The following EEFSEC variants were observed in gnomAD, a reference collection of about 807,000 sequenced individuals.
The protein encoded by EEFSEC is eukaryotic elongation factor, selenocysteine-tRNA specific, also known as selenocysteine-specific elongation factor.
A neutral mutation model predicts 42.1 loss-of-function variants in EEFSEC; 43 were observed. The ratio of observed to expected loss-of-function variants is 1.02; its 90% CI spans 0.80 to 1.32. The LOEUF (loss-of-function observed/expected upper bound fraction) is 1.32. Among genes scored for constraint, EEFSEC ranks in the 40% most tolerant of loss-of-function variants. EEFSEC has a pLI of 0.00. For missense variants in EEFSEC, 745 were observed against 803.6 expected, an observed-to-expected ratio of 0.93 and a Z score of 0.88; for synonymous variants, 354 against 339.1, an observed-to-expected ratio of 1.04 and a Z score of -0.48.
At chr3:128,349,731 ATC>A (rs2107577145) in intron 5 of EEFSEC, among the ~76,000 whole-genome samples, 1 of 152,204 alleles carries the variant, frequency 6.6e-6, no homozygotes, top group African/African-American at 2.4e-5. Flanking sequence ...TTACTCAGAA[ATC>A]TCTTTTAGGT....
rs779566408 is a variant in EEFSEC, at chr3:128,153,581, G to A, written c.74G>A (p.Arg25Gln). ...HIDSGKTALA[R>Q]ALSTTASTAA... Reference sequence around the variant, plus strand: ...GACAGCGGCAAGACGGCGCTGGCGCGGGCGCTAAGCACCACAGCCTCCACC... The same window carrying A: ...GACAGCGGCAAGACGGCGCTGGCGCAGGCGCTAAGCACCACAGCCTCCACC... Residue 25 changes from arginine to glutamine, a missense_variant, in exon 1 of 7, where the codon CGG becomes CAG. Physicochemically the swap from Arg to Gln is conservative, Grantham distance 43. Transcript: ENST00000254730. 4 of 1,560,750 alleles carry A rather than the reference G, an allele frequency of 2.6e-6. No homozygotes were observed. Among genetic ancestry groups the A allele is most frequent in the Non-Finnish European group, 2.6e-6 (3 of 1,160,950 alleles).
At chr3:128,251,694 G>A (rs1320757747) in intron 2 of EEFSEC, among the ~76,000 whole-genome samples, 1 of 151,934 alleles carries the variant, frequency 6.6e-6, no homozygotes, top group Admixed American at 6.6e-5. Flanking sequence ...TAAAGATATT[G>A]CTGTTAACCC....
intron 1 of EEFSEC, among the ~76,000 whole-genome samples, chr3:128,236,059 G>A (rs2066007552): frequency 6.6e-6 from 1 of 152,160 alleles, no homozygotes; most frequent in South Asian, 2.1e-4. Context: ...CCGCCTCCCG[G>A]GTTCAAGTGT....
intron 1 of EEFSEC, among the ~76,000 whole-genome samples, chr3:128,239,225 G>A (rs1227234179): frequency 6.6e-6 from 1 of 152,228 alleles, no homozygotes; most frequent in Non-Finnish European, 1.5e-5. Context: ...TTCGCTCCAT[G>A]CTGCCGTTAA....
chr3:128,343,518 T>C (rs1236203762), intron 5 of EEFSEC, among the ~76,000 whole-genome samples: 1 of 152,168 alleles, frequency 6.6e-6, no homozygotes, highest in African/African-American at 2.4e-5. Flanking sequence ...AAGATGCTGA[T>C]TGAAGATGAA....
intron 6 of EEFSEC, among the ~76,000 whole-genome samples, chr3:128,359,170 C>A (rs567996501): frequency 2.0e-5 from 3 of 152,058 alleles, no homozygotes; most frequent in Non-Finnish European, 1.5e-5. Context: ...AGGGAAGGAG[C>A]CACATGGGTA....
intron 4 of EEFSEC, among the ~76,000 whole-genome samples, chr3:128,284,485 C>T (rs2107972578): frequency 6.6e-6 from 1 of 152,166 alleles, no homozygotes; most frequent in Admixed American, 6.5e-5. Flanking sequence ...TGGCACTGTG[C>T]AGGCCACCAA....
At chr3:128,344,179 A>G (rs952741306) in intron 5 of EEFSEC, among the ~76,000 whole-genome samples, 2 of 152,158 alleles carry the variant, frequency 1.3e-5, no homozygotes, top group African/African-American at 2.4e-5. Context: ...TCTGTGCCAC[A>G]TGCTCTCCTC....
Position 128,153,588 on chromosome 3 carries a change from A to G in EEFSEC, c.81A>G (p.Leu27=), listed in dbSNP as rs1944295468. Residue 27 remains leucine (L), a synonymous_variant, in exon 1 of 7, where the codon CTA becomes CTG. Coordinates refer to ENST00000254730, the MANE Select transcript of EEFSEC (RefSeq NM_021937.5). ...GCAAGACGGCGCTGGCGCGGGCGCT[A>G]AGCACCACAGCCTCCACCGCCGCCT... ...DSGKTALARA[L]STTASTAAFD... is the part of the protein sequence containing the mutation. 1 of 1,576,904 alleles carries G rather than the reference A, an allele frequency of 6.3e-7. No individual in the cohort carries two copies. Among genetic ancestry groups the G allele is most frequent in the African/African-American group, 1.4e-5 (1 of 71,946 alleles).
intron 4 of EEFSEC, among the ~76,000 whole-genome samples, chr3:128,330,066 A>G (rs1206985251): frequency 6.6e-6 from 1 of 152,220 alleles, no homozygotes; most frequent in Non-Finnish European, 1.5e-5. Context: ...GGATGTCATT[A>G]AAAACAAAGT....
chr3:128,270,537 A>C (rs2066402752), intron 4 of EEFSEC, among the ~76,000 whole-genome samples: 1 of 150,416 alleles, frequency 6.6e-6, no homozygotes, highest in Admixed American at 6.6e-5. Flanking sequence ...TTCATTGAAA[A>C]CCCCCCAGAA....
chr3:128,230,714 A>G (rs1480369610), intron 1 of EEFSEC, among the ~76,000 whole-genome samples: 1 of 152,146 alleles, frequency 6.6e-6, no homozygotes, highest in Admixed American at 6.5e-5. Context: ...TCAAATAGGT[A>G]AGGGCCTTTA....
At chr3:128,158,848 C>T (rs975642002) in intron 1 of EEFSEC, among the ~76,000 whole-genome samples, 1 of 152,228 alleles carries the variant, frequency 6.6e-6, no homozygotes, top group Admixed American at 6.5e-5. Flanking sequence ...AAAAAAGTTT[C>T]AGCACTTGCC....
chr3:128,161,363 A>G lies in EEFSEC; in HGVS notation c.316+7540A>G, dbSNP rs186029905. Among the ~76,000 whole-genome samples the G allele has an allele frequency of 1.5e-3, 223 of 152,280 alleles. 2 individuals carry two copies. In the Middle Eastern group the frequency reaches 0.017, roughly 12 times the overall value. On this transcript the variant is annotated intron_variant, in intron 1 of 6. Coordinates refer to ENST00000254730, the MANE Select transcript of EEFSEC (RefSeq NM_021937.5). ...AAAATGCTGGTATCTTGGCTTGGCA[A>G]TTTATAGTCCTCTGGTGGCTGTGAG...
chr3:128,243,240 T>C (rs1035604857), intron 1 of EEFSEC, among the ~76,000 whole-genome samples: 2 of 152,192 alleles, frequency 1.3e-5, no homozygotes, highest in African/African-American at 4.8e-5. Flanking sequence ...CAAAGACGGC[T>C]TTTGGATGCT....
chr3:128,301,236 T>G (rs2066764775), intron 4 of EEFSEC, among the ~76,000 whole-genome samples: 1 of 152,164 alleles, frequency 6.6e-6, no homozygotes, highest in African/African-American at 2.4e-5. Flanking sequence ...GGTGAAAGGT[T>G]ACATAACTGG....
At chr3:128,163,946 A>AAAC (rs142685485) in intron 1 of EEFSEC, among the ~76,000 whole-genome samples, 20,821 of 151,436 alleles carry the variant, frequency 0.14, 1,631 homozygotes, top group Admixed American at 0.2. Context: ...GTGAAAAAAA[A>AAAC]AAAAAACAAA....
intron 4 of EEFSEC, among the ~76,000 whole-genome samples, chr3:128,326,229 T>A (rs901633926): frequency 2.6e-5 from 4 of 152,192 alleles, no homozygotes; most frequent in Non-Finnish European, 4.4e-5. Context: ...GTCTTCAGAG[T>A]GCCTGGCTCC....
the EEFSEC span, among the ~76,000 whole-genome samples, chr3:128,425,356 G>A: frequency 6.6e-6 from 1 of 152,234 alleles, no homozygotes; most frequent in Non-Finnish European, 1.5e-5. Flanking sequence ...TTGGGTCACT[G>A]AGCAGGGCCC....
Sources: gnomAD v4.1 joint callset for allele counts (sites outside exome capture counted in the v4.1 genomes callset) on GRCh38, gnomAD v4.1.1 for gene constraint, MANE v1.5 for transcripts, NCBI Gene and HGNC (gene_info 2026-07-23, HGNC 2026-07-21) for gene names.